The following ROBO1 variants were observed in gnomAD, a reference collection of about 807,000 sequenced individuals.
The protein encoded by ROBO1 is roundabout guidance receptor 1, also known as roundabout homolog 1.
Under a neutral mutation model 195.9 loss-of-function variants are expected in ROBO1, and 149 were observed. That is an observed-to-expected ratio of 0.76 (90% confidence interval 0.67 to 0.87). ROBO1 has a LOEUF of 0.87. Ranked by LOEUF, ROBO1 falls within the 40% of genes least tolerant of loss-of-function variation. ROBO1 has a pLI of 0.00. For missense variants in ROBO1, 1,933 were observed against 2,068.3 expected (o/e 0.93, Z 1.27); for synonymous variants, 816 against 733.2 (o/e 1.11, Z -1.82).
chr3:79,733,744 C>T (rs1703254782), intron 1 of ROBO1, among the ~76,000 whole-genome samples: 1 of 152,118 alleles, frequency 6.6e-6, no homozygotes. Context: ...TCTGTACTTA[C>T]TCTATCATTA....
chr3:78,717,335 C>G lies in ROBO1; in HGVS notation c.857G>C (p.Arg286Pro). 6.2e-7 allele frequency: 1 copy of G among 1,612,342 alleles called. No individual in the cohort carries two copies. Among genetic ancestry groups the G allele is most frequent in the Non-Finnish European group, 8.5e-7 (1 of 1,179,234 alleles). Residue 286 changes from arginine to proline, a missense_variant, in exon 7 of 31, where the codon CGA becomes CCA. By Grantham distance (103) the Arg-to-Pro change is moderately radical. Coordinates refer to ENST00000464233, the MANE Select transcript of ROBO1 (RefSeq NM_002941.4). ...DDSAEFKCEARGDPVPTVRWR... is the reference protein window; with the variant it reads ...DDSAEFKCEAPGDPVPTVRWR... ...TCGTACTGTAGGTACAGGGTCACCT[C>G]GGGCCTCACATTTAAATTCTGCACT...
chr3:78,655,574 A>G (rs1384572332), intron 18 of ROBO1, among the ~76,000 whole-genome samples: 1 of 152,232 alleles, frequency 6.6e-6, no homozygotes, highest in Admixed American at 6.5e-5. Context: ...CTTATAGGAC[A>G]GAAATTCTGC....
At chr3:78,684,338 CAA>C (rs1254912836) in intron 10 of ROBO1, among the ~76,000 whole-genome samples, 1 of 151,966 alleles carries the variant, frequency 6.6e-6, no homozygotes, top group Non-Finnish European at 1.5e-5. Context: ...TAAAAGGAAT[CAA>C]TGATGATAAA....
At chr3:79,167,462 CTT>C (rs2081089427) in intron 2 of ROBO1, among the ~76,000 whole-genome samples, 2 of 152,104 alleles carry the variant, frequency 1.3e-5, no homozygotes, top group South Asian at 2.1e-4. Context: ...ATTCCTATAA[CTT>C]ATATCTTTAT....
At chr3:79,193,580 GCTTT>G (rs1299742469) in intron 2 of ROBO1, among the ~76,000 whole-genome samples, 40 of 94,844 alleles carry the variant, frequency 4.2e-4, no homozygotes, top group Non-Finnish European at 7.7e-4. Flanking sequence ...ATGTGGTTTT[GCTTT>G]TTTTTTTTTT....
At chr3:78,858,937 G>A (rs2034623302) in intron 4 of ROBO1, among the ~76,000 whole-genome samples, 1 of 152,180 alleles carries the variant, frequency 6.6e-6, no homozygotes, top group African/African-American at 2.4e-5. Context: ...GTGTCTAAGA[G>A]TGACTGTTAT....
intron 1 of ROBO1, among the ~76,000 whole-genome samples, chr3:79,643,851 G>A: frequency 6.6e-6 from 1 of 152,106 alleles, no homozygotes; most frequent in Non-Finnish European, 1.5e-5. Context: ...GATGACAGAA[G>A]TAAGTCCTTA....
chr3:79,260,973 C>A (rs2082928333), intron 2 of ROBO1, among the ~76,000 whole-genome samples: 2 of 152,010 alleles, frequency 1.3e-5, no homozygotes, highest in Admixed American at 6.6e-5. Flanking sequence ...AAAGAAACCA[C>A]AGAAAGCAAG....
chr3:79,271,741 C>T (rs1333726136), intron 2 of ROBO1, among the ~76,000 whole-genome samples: 1 of 151,946 alleles, frequency 6.6e-6, no homozygotes, highest in Non-Finnish European at 1.5e-5. Flanking sequence ...CTCCCACTTT[C>T]ATCTAAGGTT....
chr3:78,807,311 C>T (rs2084575807), intron 4 of ROBO1, among the ~76,000 whole-genome samples: 2 of 151,980 alleles, frequency 1.3e-5, no homozygotes, highest in Admixed American at 1.3e-4. Flanking sequence ...ACAGAGAAGT[C>T]AAGAAACATT....
chr3:79,617,820 C>CAAA (rs60181598), intron 1 of ROBO1, among the ~76,000 whole-genome samples: 128 of 57,218 alleles, frequency 2.2e-3, no homozygotes, highest in African/African-American at 3.5e-3. Context: ...GACTCTGTCT[C>CAAA]AAAAAAAAAA....
intron 2 of ROBO1, among the ~76,000 whole-genome samples, chr3:79,409,600 T>C (rs1318856418): frequency 6.6e-6 from 1 of 152,146 alleles, no homozygotes; most frequent in East Asian, 1.9e-4. Context: ...TCTCAGTAAA[T>C]TGCCTCAGCT....
intron 2 of ROBO1, among the ~76,000 whole-genome samples, chr3:79,548,980 G>A (rs1254397719): frequency 2.6e-5 from 4 of 152,136 alleles, no homozygotes; most frequent in African/African-American, 7.2e-5. Flanking sequence ...CATTGCCAGT[G>A]GATGAAGACA....
chr3:78,895,137 T>C (rs2037154735), intron 4 of ROBO1, among the ~76,000 whole-genome samples: 1 of 152,150 alleles, frequency 6.6e-6, no homozygotes, highest in South Asian at 2.1e-4. Context: ...GAAGTATAAT[T>C]TGGAGTGTGA....
chr3:78,730,571 A>G lies in ROBO1; in HGVS notation c.658-12688T>C, dbSNP rs554250357. On this transcript the variant is annotated intron_variant, in intron 5 of 30. Transcript: ENST00000464233. ...ACACATTCTGTGGTATTTTAATCCC[A>G]AAGAGTCAAAGGAGAAAAAGAAGAG... 1.6e-4 allele frequency among the ~76,000 whole-genome samples: 25 copies of G among 152,198 alleles called. 1 individual carries two copies. Among genetic ancestry groups the G allele is most frequent in the African/African-American group, 6.0e-4 (25 of 41,566 alleles).
intron 2 of ROBO1, among the ~76,000 whole-genome samples, chr3:79,426,358 TTTG>T (rs769068911): frequency 1.4e-4 from 21 of 151,970 alleles, no homozygotes; most frequent in Non-Finnish European, 2.5e-4. Flanking sequence ...CATATATAAT[TTTG>T]TTGTTGTTGT....
chr3:79,765,158 A>C (rs1321824415), intron 1 of ROBO1, among the ~76,000 whole-genome samples: 2 of 152,228 alleles, frequency 1.3e-5, no homozygotes, highest in African/African-American at 4.8e-5. Flanking sequence ...ATTGTGCTTC[A>C]ATTCTGCAGC....
chr3:79,570,288 G>GAAA (rs35474151), intron 2 of ROBO1, among the ~76,000 whole-genome samples: 36 of 146,394 alleles, frequency 2.5e-4, no homozygotes, highest in East Asian at 1.6e-3. Flanking sequence ...GAATTATAAT[G>GAAA]AAAAAAAAAA....
intron 2 of ROBO1, among the ~76,000 whole-genome samples, chr3:79,206,397 A>G (rs1680080167): frequency 6.6e-6 from 1 of 152,216 alleles, no homozygotes; most frequent in African/African-American, 2.4e-5. Context: ...GTTTCTTTGA[A>G]GCGAAAAAGT....
Sources: allele counts gnomAD v4.1 joint callset (sites outside exome capture counted in the v4.1 genomes callset), GRCh38; gene constraint gnomAD v4.1.1; transcripts MANE v1.5; gene names NCBI Gene and HGNC (gene_info 2026-07-23, HGNC 2026-07-21).